The following HUWE1 variants were observed in gnomAD, a reference collection of about 807,000 sequenced individuals.
The protein encoded by HUWE1 is E3 ubiquitin-protein ligase HUWE1.
Under a neutral mutation model 299.4 loss-of-function variants are expected in HUWE1, and 18 were observed. The observed-to-expected ratio is 0.06, with a 90% confidence interval of 0.04 to 0.09. The LOEUF (loss-of-function observed/expected upper bound fraction) is 0.09. Among genes scored for constraint, HUWE1 ranks in the 10% least tolerant of loss-of-function variants. The pLI is 1.00. For synonymous variants in HUWE1, 1,317 were observed against 1,286.1 expected, an observed-to-expected ratio of 1.02 and a Z score of -0.51; for missense variants, 1,832 against 3,462.3, an observed-to-expected ratio of 0.53 and a Z score of 11.82.
chrX:53,543,798 G>A (rs1556920549), intron 73 of HUWE1, 43 bp downstream of exon 73: 3 of 1,210,395 alleles, frequency 2.5e-6, no homozygotes, highest in Admixed American at 2.2e-5. Context: ...GGGGGGATGA[G>A]TGGAGAGACA....
intron 54 of HUWE1, 61 bp downstream of exon 54, chrX:53,562,050 G>A: frequency 8.3e-7 from 1 of 1,210,972 alleles, no homozygotes. Flanking sequence ...TTGGTTTTCT[G>A]CAGCTCTATG....
At chrX:53,602,854 C>CT (rs781982959) in intron 27 of HUWE1, among the ~76,000 whole-genome samples, 196 bp from the exon 28 acceptor site, 1,330 of 96,733 alleles carry the variant, frequency 0.014, 25 homozygotes, top group African/African-American at 0.046. Flanking sequence ...TTTTTTTTTT[C>CT]TTTTTTTTTT....
intron 3 of HUWE1, among the ~76,000 whole-genome samples, chrX:53,654,913 G>A (rs2068674403): frequency 9.0e-6 from 1 of 111,602 alleles, no homozygotes; most frequent in Non-Finnish European, 1.9e-5. Context: ...TAAGAGCAAA[G>A]GCAAAACAAC....
chrX:53,567,814 T>C (rs1423572175), intron 49 of HUWE1, among the ~76,000 whole-genome samples: 1 of 111,118 alleles, frequency 9.0e-6, no homozygotes, highest in African/African-American at 3.3e-5. Flanking sequence ...AAAGTGACAA[T>C]TATCATGGGA....
chrX:53,591,419 G>T (rs1399234933), intron 33 of HUWE1, among the ~76,000 whole-genome samples: 1 of 111,309 alleles, frequency 9.0e-6, no homozygotes, highest in East Asian at 2.8e-4. Context: ...AAAAGATTGA[G>T]ACTCATACAA....
At chrX:53,612,790 G>T (rs1425508281) in intron 23 of HUWE1, among the ~76,000 whole-genome samples, 1 of 111,788 alleles carries the variant, frequency 8.9e-6, no homozygotes, top group Non-Finnish European at 1.9e-5. Context: ...AGGTGATGTG[G>T]GAATGGGGAT....
chrX:53,581,244 C>T (rs1184731774), intron 42 of HUWE1, among the ~76,000 whole-genome samples: 6 of 112,054 alleles, frequency 5.4e-5, no homozygotes, highest in Non-Finnish European at 9.4e-5. Context: ...TGCATGTGAT[C>T]TTTATAGAAA....
chrX:53,614,646 T>C lies in HUWE1; in HGVS notation c.2149A>G (p.Arg717Gly). Reference sequence around the variant, plus strand: ...GCTTCTTCTGCGGCATGATTAGACCTTGGGGGAGGAGCAGTGGCAGTGCCA... The same window carrying C: ...GCTTCTTCTGCGGCATGATTAGACCCTGGGGGAGGAGCAGTGGCAGTGCCA... ...ADGTATAPPPRSNHAAEEASS... is the reference protein window; with the variant it reads ...ADGTATAPPPGSNHAAEEASS... Residue 717 changes from arginine to glycine, a missense_variant, in exon 23 of 84, where the codon AGG (arginine) becomes GGG (glycine). Transcript: ENST00000262854. The C allele has an allele frequency of 8.3e-7, 1 of 1,207,414 alleles. No individual in the cohort carries two copies. Among genetic ancestry groups the C allele is most frequent in the Non-Finnish European group, 1.1e-6 (1 of 891,575 alleles).
At position 53,547,744 on chromosome X, in the gene HUWE1, G is replaced by A; in HGVS notation, c.10565C>T (p.Ala3522Val). 1 of 1,205,707 alleles carries A rather than the reference G, an allele frequency of 8.3e-7. No individual in the cohort carries two copies. The highest frequency in any genetic ancestry group is 1.1e-6 in the Non-Finnish European group (1 of 891,786). The part of the protein sequence containing the change: ...TSAPALVAAT[A>V]ISTIVVAAST... Reference sequence around the variant, plus strand: ...AGCAGCTACGACAATGGTGGAAATAGCCGTGGCAGCAACCAGGGCTGGAGC... The same window carrying A: ...AGCAGCTACGACAATGGTGGAAATAACCGTGGCAGCAACCAGGGCTGGAGC... Residue 3522 changes from alanine (A) to valine (V), a missense_variant, in exon 68 of 84, where the codon GCT becomes GTT. Physicochemically the swap from Ala to Val is moderately conservative, Grantham distance 64. Transcript: ENST00000262854.
Position 53,588,564 on chromosome X carries a change from G to A in HUWE1, c.4462-30C>T, listed in dbSNP as rs375351696. The stretch of plus-strand genomic sequence containing the variant: ...AAAAGCAAAAAAAGGGTTAAGTCAC[G>A]GAACCGCAGAGCAAGATGAGGTTTC... On this transcript the variant is annotated intron_variant, in intron 36 of 83. Transcript: ENST00000262854. 18 of 1,177,647 alleles carry A rather than the reference G, an allele frequency of 1.5e-5. No homozygotes were observed. In the South Asian group the frequency reaches 2.2e-4, roughly 15 times the overall value.
chrX:53,568,651 C>T, intron 49 of HUWE1, 41 bp downstream of exon 49: 1 of 1,165,980 alleles, frequency 8.6e-7, no homozygotes, highest in South Asian at 1.8e-5. Context: ...TGTAGTGAGG[C>T]TGAAGAGAAG....
chrX:53,681,336 A>C (rs1200332123), intron 2 of HUWE1, among the ~76,000 whole-genome samples: 1 of 107,618 alleles, frequency 9.3e-6, no homozygotes, highest in Non-Finnish European at 1.9e-5. Flanking sequence ...CGGGAGGCTG[A>C]GGCAGGTAAA....
At chrX:53,659,500 T>C (rs936184400) in intron 3 of HUWE1, among the ~76,000 whole-genome samples, 2 of 111,825 alleles carry the variant, frequency 1.8e-5, no homozygotes, top group African/African-American at 3.3e-5. Context: ...GAAAAAACTA[T>C]AGAGACAGTA....
At chrX:53,556,586 T>C (rs1481284623) in intron 60 of HUWE1, among the ~76,000 whole-genome samples, 11 of 111,407 alleles carry the variant, frequency 9.9e-5, no homozygotes, top group Non-Finnish European at 2.1e-4. Flanking sequence ...ACTGATAGAA[T>C]CACAAAATGG....
rs781797722 is a variant in HUWE1, at chrX:53,553,557, C to A, written c.8495-664G>T. Among the ~76,000 whole-genome samples, 175 of 108,167 alleles carry A rather than the reference C, an allele frequency of 1.6e-3. 1 individual carries two copies. Among genetic ancestry groups the A allele is most frequent in the African/African-American group, 5.7e-3 (171 of 29,866 alleles). The allele number at this position is 108,167 out of a possible 115,157, so 93.9% of individuals were successfully genotyped here. ...GGGCGCAGTGGCTCATGCCTGTAAT[C>A]CAAGCACTTTGGGAGGCCGAGGCGG... On this transcript the variant is annotated intron_variant, in intron 61 of 83. Transcript: ENST00000262854.
At chrX:53,657,981 T>G (rs1252037668) in intron 3 of HUWE1, among the ~76,000 whole-genome samples, 2 of 94,263 alleles carry the variant, frequency 2.1e-5, no homozygotes, top group Non-Finnish European at 4.0e-5. Context: ...CCTGGGAGGC[T>G]GAGCTTGCAG....
chrX:53,535,601 G>T, intron 80 of HUWE1, 100 bp from the exon 81 acceptor site: 1 of 577,009 alleles, frequency 1.7e-6, no homozygotes, highest in Admixed American at 2.3e-5. Context: ...GTCCTAGGCA[G>T]AGAGATGAGG....
intron 44 of HUWE1, 43 bp from the exon 45 acceptor site, chrX:53,575,831 T>G (rs1556958269): frequency 1.7e-6 from 2 of 1,176,615 alleles, no homozygotes; most frequent in Non-Finnish European, 2.3e-6. Context: ...ATAAACCTCT[T>G]CTACAATTGG....
intron 43 of HUWE1, among the ~76,000 whole-genome samples, chrX:53,578,287 G>T (rs1352871615): frequency 1.9e-5 from 2 of 106,752 alleles, no homozygotes; most frequent in African/African-American, 6.9e-5. Flanking sequence ...CCCTCCGTCC[G>T]GCAGCCACCC....
Sources: allele counts gnomAD v4.1 joint callset (sites outside exome capture counted in the v4.1 genomes callset), GRCh38; gene constraint gnomAD v4.1.1; transcripts MANE v1.5; gene names NCBI Gene and HGNC (gene_info 2026-07-23, HGNC 2026-07-21).